Variants in TMEM217B observed in about 807,000 individuals in gnomAD.
TMEM217B encodes the protein putative transmembrane protein 217B.
At chr6:37,249,173 G>A in the TMEM217B span, among the ~76,000 whole-genome samples, 59 of 152,266 alleles carry the variant, frequency 3.9e-4, no homozygotes, top group African/African-American at 1.3e-3. Flanking sequence ...AACATCCACA[G>A]GTTCCAGGGA....
At chr6:37,234,073 A>C in the TMEM217B span, among the ~76,000 whole-genome samples, 1 of 149,738 alleles carries the variant, frequency 6.7e-6, no homozygotes, top group Non-Finnish European at 1.5e-5. Context: ...CTAAGTTATG[A>C]TGTTTGGTAG....
the TMEM217B span, among the ~76,000 whole-genome samples, chr6:37,234,319 C>T: frequency 1.3e-5 from 2 of 152,248 alleles, no homozygotes; most frequent in South Asian, 4.2e-4. Context: ...AGGCTGGTCT[C>T]GAACTCCTGA....
At chr6:37,249,064 C>G in the TMEM217B span, among the ~76,000 whole-genome samples, 1 of 152,168 alleles carries the variant, frequency 6.6e-6, no homozygotes, top group Non-Finnish European at 1.5e-5. Flanking sequence ...TAAAACAACA[C>G]TTGTCATTGG....
the TMEM217B span, among the ~76,000 whole-genome samples, chr6:37,230,972 T>G: frequency 6.6e-6 from 1 of 152,142 alleles, no homozygotes; most frequent in Non-Finnish European, 1.5e-5. Flanking sequence ...TGTTGTTGTT[T>G]AAGTTAGGCT....
the TMEM217B span, among the ~76,000 whole-genome samples, chr6:37,227,882 T>G: frequency 6.6e-6 from 1 of 152,024 alleles, no homozygotes. Flanking sequence ...TATCTTGAGA[T>G]ATATATATAG....
At chr6:37,215,597 AAAAAG>A in the TMEM217B span, among the ~76,000 whole-genome samples, 3 of 146,884 alleles carry the variant, frequency 2.0e-5, no homozygotes, top group Admixed American at 6.9e-5. Context: ...AAAAAAAAAA[AAAAAG>A]AAAAGAAAAA....
chr6:37,252,564 GGT>G, the TMEM217B span, among the ~76,000 whole-genome samples: 9 of 150,402 alleles, frequency 6.0e-5, no homozygotes, highest in African/African-American at 2.2e-4. Flanking sequence ...GGGTGTGAGG[GGT>G]GTGTGTGTGC....
the TMEM217B span, chr6:37,257,729 G>A: frequency 8.3e-6 from 5 of 605,704 alleles, no homozygotes; most frequent in South Asian, 1.1e-4. Flanking sequence ...TCCACGGCTT[G>A]CGCAGCTCAC....
At chr6:37,217,350 T>C in the TMEM217B span, among the ~76,000 whole-genome samples, 1 of 152,380 alleles carries the variant, frequency 6.6e-6, no homozygotes, top group African/African-American at 2.4e-5. Context: ...GTGATGTCTG[T>C]TTATTTGTGA....
chr6:37,242,045 C>G, the TMEM217B span, among the ~76,000 whole-genome samples: 1 of 150,408 alleles, frequency 6.6e-6, no homozygotes, highest in Non-Finnish European at 1.5e-5. Context: ...CTTTCCCTGC[C>G]CCTTGATGGA....
chr6:37,234,292 G>A, the TMEM217B span, among the ~76,000 whole-genome samples: 1 of 152,024 alleles, frequency 6.6e-6, no homozygotes, highest in Non-Finnish European at 1.5e-5. Flanking sequence ...TCGAGGTGGG[G>A]TTTCTCCATG....
chr6:37,212,795 T>C, the TMEM217B span: 3 of 742,556 alleles, frequency 4.0e-6, no homozygotes, highest in African/African-American at 1.7e-5. Context: ...CCAGTGCTGA[T>C]ATTAGCCCTG....
chr6:37,258,027 C>G, the TMEM217B span: 11 of 1,588,892 alleles, frequency 6.9e-6, no homozygotes, highest in Non-Finnish European at 9.4e-6. Context: ...CTTCCAGATC[C>G]TAATCCCTGA....
chr6:37,234,379 C>T, the TMEM217B span, among the ~76,000 whole-genome samples: 24 of 152,150 alleles, frequency 1.6e-4, no homozygotes, highest in African/African-American at 5.6e-4. Flanking sequence ...AAACTACAGG[C>T]GTGAGCCACC....
the TMEM217B span, among the ~76,000 whole-genome samples, chr6:37,226,676 C>T: frequency 6.6e-6 from 1 of 152,146 alleles, no homozygotes; most frequent in Non-Finnish European, 1.5e-5. Flanking sequence ...ATTCTCCTGC[C>T]TCAGCCTCCT....
At chr6:37,252,639 T>TATATATA in the TMEM217B span, among the ~76,000 whole-genome samples, 1 of 43,224 alleles carries the variant, frequency 2.3e-5, no homozygotes, top group Non-Finnish European at 4.0e-5. Flanking sequence ...ATATATATAT[T>TATATATA]TTTTTTTTTT....
At chr6:37,214,948 C>T in the TMEM217B span, among the ~76,000 whole-genome samples, 1 of 152,192 alleles carries the variant, frequency 6.6e-6, no homozygotes, top group Non-Finnish European at 1.5e-5. Flanking sequence ...CAGCCACTAC[C>T]CATGGGGTAC....
At chr6:37,216,001 GTGTGTGTGTGTGT>G in the TMEM217B span, among the ~76,000 whole-genome samples, 1 of 17,598 alleles carries the variant, frequency 5.7e-5, no homozygotes, top group Non-Finnish European at 1.1e-4. Context: ...CAGGGTGTGT[GTGTGTGTGTGTGT>G]GTGTGTGTGT....
chr6:37,218,582 G>A, the TMEM217B span: 1 of 1,614,154 alleles, frequency 6.2e-7, no homozygotes, highest in Admixed American at 1.7e-5. Flanking sequence ...GGTTATGTGG[G>A]CATAGTTGAT....
Sources: gnomAD v4.1 joint callset for allele counts (sites outside exome capture counted in the v4.1 genomes callset) on GRCh38, gnomAD v4.1.1 for gene constraint, MANE v1.5 for transcripts, NCBI Gene and HGNC (gene_info 2026-07-23, HGNC 2026-07-21) for gene names.